Variants in ADGRL3 observed in about 807,000 individuals in gnomAD.
ADGRL3 encodes the protein calcium-independent alpha-latrotoxin receptor 3.
A neutral mutation model predicts 153.5 loss-of-function variants in ADGRL3; 62 were observed. That is an observed-to-expected ratio of 0.40 (90% CI 0.33 to 0.50). The LOEUF is 0.50. Among genes scored for constraint, ADGRL3 ranks in the 20% least tolerant of loss-of-function variants. The pLI is 0.47. For missense variants in ADGRL3, 1,641 were observed against 1,859.4 expected (o/e 0.88, Z 2.16); for synonymous variants, 710 against 672.5 (o/e 1.06, Z -0.86).
At chr4:61,581,857 A>T (rs550745930) in intron 4 of ADGRL3, among the ~76,000 whole-genome samples, 1 of 152,128 alleles carries the variant, frequency 6.6e-6, no homozygotes, top group African/African-American at 2.4e-5. Context: ...TTTGTTCCTA[A>T]ACGTTGTTCA....
At chr4:62,016,218 T>G (rs1447596276) in intron 21 of ADGRL3, among the ~76,000 whole-genome samples, 1 of 152,062 alleles carries the variant, frequency 6.6e-6, no homozygotes, top group African/African-American at 2.4e-5. Flanking sequence ...CCAGCTAATT[T>G]TTGTATTTTT....
chr4:61,583,541 A>G (rs2098934528), intron 4 of ADGRL3: 1 of 360,494 alleles, frequency 2.8e-6, no homozygotes, highest in Non-Finnish European at 5.6e-6. Context: ...TTTGATATTT[A>G]TATTTTATGT....
chr4:62,031,795 A>G (rs1722179338), intron 23 of ADGRL3, among the ~76,000 whole-genome samples, 185 bp downstream of exon 23: 1 of 151,624 alleles, frequency 6.6e-6, no homozygotes, highest in South Asian at 2.1e-4. Context: ...GGAGTGTCCA[A>G]TAGTAAAAAA....
Position 61,688,375 on chromosome 4 carries a change from C to A in ADGRL3, c.583+11440C>A, listed in dbSNP as rs189728815. Among the ~76,000 whole-genome samples the A allele has an allele frequency of 4.6e-3, 696 of 152,170 alleles. 13 individuals carry two copies. Among genetic ancestry groups the A allele is most frequent in the Non-Finnish European group, 2.2e-3 (150 of 68,004 alleles). ...AAGTTACGAGTAAGAGCTTTGGAAT[C>A]AGAGTTGAATTTGTGTTCTAGTTTT... On this transcript the variant is annotated intron_variant, in intron 6 of 26. Transcript: ENST00000683033.
chr4:61,577,903 A>C lies in ADGRL3; in HGVS notation c.260-9324A>C, dbSNP rs1429257546. On this transcript the variant is annotated intron_variant, in intron 4 of 26. Coordinates refer to ENST00000683033, the MANE Select transcript of ADGRL3 (RefSeq NM_001387552.1). ...AAGTAATGATTTTCTATATTAGTAC[A>C]GTAGATTTTTATACAAAGATTCATA... 2.6e-5 allele frequency among the ~76,000 whole-genome samples: 4 copies of C among 152,178 alleles called. No homozygotes were observed. In the East Asian group the frequency reaches 5.8e-4, roughly 22 times the overall value.
intron 4 of ADGRL3, among the ~76,000 whole-genome samples, chr4:61,571,100 G>A (rs2098836742): frequency 6.6e-6 from 1 of 151,858 alleles, no homozygotes; most frequent in Non-Finnish European, 1.5e-5. Context: ...GATGATCTTA[G>A]GGGAAAGACA....
At chr4:61,881,728 A>G (rs1372036433) in intron 9 of ADGRL3, among the ~76,000 whole-genome samples, 1 of 152,198 alleles carries the variant, frequency 6.6e-6, no homozygotes, top group African/African-American at 2.4e-5. Context: ...GCATAACTGA[A>G]TCTTCCACAA....
chr4:61,640,972 A>C (rs1277865072), intron 5 of ADGRL3, among the ~76,000 whole-genome samples: 1 of 152,170 alleles, frequency 6.6e-6, no homozygotes, highest in Non-Finnish European at 1.5e-5. Flanking sequence ...CTCTTTCAAA[A>C]TATATTTTTG....
chr4:61,701,091 A>G (rs1194159763), intron 6 of ADGRL3, among the ~76,000 whole-genome samples: 1 of 152,206 alleles, frequency 6.6e-6, no homozygotes, highest in African/African-American at 2.4e-5. Context: ...TGAGAGCAGT[A>G]GAAATGTCTA....
intron 5 of ADGRL3, among the ~76,000 whole-genome samples, chr4:61,596,347 T>C (rs2098989020): frequency 6.6e-6 from 1 of 152,206 alleles, no homozygotes; most frequent in Non-Finnish European, 1.5e-5. Context: ...ATTTCTAATG[T>C]TATACTAAGA....
intron 9 of ADGRL3, among the ~76,000 whole-genome samples, chr4:61,834,969 A>G (rs1042143552): frequency 2.6e-5 from 4 of 152,148 alleles, no homozygotes; most frequent in Admixed American, 1.3e-4. Flanking sequence ...GGCCAAGAGC[A>G]TGATTCTCTG....
intron 9 of ADGRL3, among the ~76,000 whole-genome samples, chr4:61,837,959 T>G (rs1187185151): frequency 6.6e-6 from 1 of 152,082 alleles, no homozygotes; most frequent in Non-Finnish European, 1.5e-5. Flanking sequence ...AAGAGTTCCA[T>G]TGTCATGATG....
chr4:61,407,731 C>T (rs915126174), intron 2 of ADGRL3, among the ~76,000 whole-genome samples: 24 of 152,148 alleles, frequency 1.6e-4, no homozygotes, highest in African/African-American at 5.8e-4. Flanking sequence ...ATGAAATGTA[C>T]ATACTTTACC....
intron 2 of ADGRL3, among the ~76,000 whole-genome samples, chr4:61,496,016 C>T (rs758466551): frequency 3.3e-5 from 5 of 152,176 alleles, no homozygotes; most frequent in South Asian, 2.1e-4. Context: ...CTTTAATCAT[C>T]GTACATTGTT....
At chr4:61,373,965 C>G (rs1380450038) in intron 1 of ADGRL3, among the ~76,000 whole-genome samples, 2 of 152,122 alleles carry the variant, frequency 1.3e-5, no homozygotes, top group Non-Finnish European at 2.9e-5. Context: ...GTAATGTCCT[C>G]AAAAGGCAGA....
chr4:61,753,431 C>T (rs1324868347), intron 8 of ADGRL3, among the ~76,000 whole-genome samples: 4 of 152,256 alleles, frequency 2.6e-5, no homozygotes, highest in South Asian at 4.1e-4. Flanking sequence ...GAAAGAGTTA[C>T]GGTTACTTCT....
intron 1 of ADGRL3, among the ~76,000 whole-genome samples, chr4:61,302,327 A>G (rs1281303519): frequency 6.6e-6 from 1 of 152,152 alleles, no homozygotes; most frequent in Non-Finnish European, 1.5e-5. Flanking sequence ...GAGAGTGAGA[A>G]TTCACAGAGA....
At chr4:61,326,959 T>C (rs1383717501) in intron 1 of ADGRL3, among the ~76,000 whole-genome samples, 1 of 151,962 alleles carries the variant, frequency 6.6e-6, no homozygotes, top group East Asian at 1.9e-4. Flanking sequence ...AATATTTATT[T>C]GATATAGGGT....
chr4:61,207,041 G>A (rs1737598942), intron 1 of ADGRL3, among the ~76,000 whole-genome samples: 1 of 150,934 alleles, frequency 6.6e-6, no homozygotes, highest in South Asian at 2.1e-4. Context: ...GTCACTTTAG[G>A]TCATTTATTA....
Sources: allele counts gnomAD v4.1 joint callset (sites outside exome capture counted in the v4.1 genomes callset), GRCh38; gene constraint gnomAD v4.1.1; transcripts MANE v1.5; gene names NCBI Gene and HGNC (gene_info 2026-07-23, HGNC 2026-07-21).